CDH18: variants seen among roughly 807,000 people sequenced by gnomAD.
CDH18 encodes the protein cadherin-18.
CDH18 carries 31 observed loss-of-function variants against 67.9 expected under a neutral mutation model. The observed-to-expected ratio is 0.46, with a 90% CI of 0.34 to 0.62. CDH18 has a LOEUF of 0.62. CDH18 is among the 20% of genes least tolerant of loss of function. CDH18 has a pLI of 0.01. For missense variants in CDH18, 890 were observed against 975.5 expected (o/e 0.91, Z 1.17); for synonymous variants, 362 against 347.2 (o/e 1.04, Z -0.48).
chr5:20,142,245 A>G (rs1365352054), intron 2 of CDH18, among the ~76,000 whole-genome samples: 1 of 152,130 alleles, frequency 6.6e-6, no homozygotes, highest in Non-Finnish European at 1.5e-5. Context: ...AAATTTAGTT[A>G]GCTAATTCCA....
chr5:20,437,767 G>A (rs1749282566), intron 1 of CDH18, among the ~76,000 whole-genome samples: 1 of 150,960 alleles, frequency 6.6e-6, no homozygotes. Context: ...CATGCTCCAT[G>A]AAAAAATTAG....
intron 2 of CDH18, among the ~76,000 whole-genome samples, chr5:19,882,022 T>TATG (rs1787716094): frequency 6.6e-6 from 1 of 152,194 alleles, no homozygotes; most frequent in Admixed American, 6.5e-5. Flanking sequence ...TTAGATGATG[T>TATG]CACATACAAA....
chr5:20,046,875 A>C (rs1281621289), intron 2 of CDH18, among the ~76,000 whole-genome samples: 1 of 151,852 alleles, frequency 6.6e-6, no homozygotes, highest in East Asian at 1.9e-4. Context: ...GAAAGTATAC[A>C]GAACAATTAG....
chr5:20,094,903 A>C (rs1341276129), intron 2 of CDH18, among the ~76,000 whole-genome samples: 1 of 152,144 alleles, frequency 6.6e-6, no homozygotes. Flanking sequence ...CTTGGAACCA[A>C]CCAAAATGCC....
At chr5:20,504,233 GC>G (rs141172003) in intron 1 of CDH18, among the ~76,000 whole-genome samples, 14,523 of 152,082 alleles carry the variant, frequency 0.095, 968 homozygotes, top group Non-Finnish European at 0.15. Context: ...GTTTCAAGAA[GC>G]AAAAACTTTA....
chr5:20,107,184 C>T (rs1580258340), intron 2 of CDH18, among the ~76,000 whole-genome samples: 1 of 151,928 alleles, frequency 6.6e-6, no homozygotes, highest in East Asian at 1.9e-4. Flanking sequence ...GGGTTCACGC[C>T]ATTCTCCTGC....
chr5:20,376,091 A>ATTTTTTTTTTTTTTTTTTTTTT (rs562655039), intron 1 of CDH18, among the ~76,000 whole-genome samples: 1,565 of 49,746 alleles, frequency 0.031, 638 homozygotes, highest in Admixed American at 0.05. Context: ...AAAAGAAACA[A>ATTTTTTTTTTTTTTTTTTTTTT]TTTTTTTTTT....
rs571921940 is a variant in CDH18 at position 20,049,452 on chromosome 5, T to C, written c.-517-57438A>G. Among the ~76,000 whole-genome samples the C allele has an allele frequency of 2.9e-4, 41 of 139,700 alleles. 1 individual carries two copies. In the South Asian group the frequency reaches 9.4e-3, roughly 32 times the overall value. The allele number at this position is 139,700 out of a possible 152,430, so 91.6% of individuals were successfully genotyped here. ...AAATAATCTATACAACAAACCCCCA[T>C]GACATGAGTTTACCTATATAACAAA... On this transcript the variant is annotated intron_variant, in intron 2 of 14. Transcript: ENST00000507958.
At chr5:20,567,277 A>G (rs1315854011) in intron 1 of CDH18, among the ~76,000 whole-genome samples, 1 of 152,220 alleles carries the variant, frequency 6.6e-6, no homozygotes, top group African/African-American at 2.4e-5. Context: ...TTTTAGATTC[A>G]AATAAATGCT....
At chr5:19,637,662 C>T (rs996475881) in intron 5 of CDH18, among the ~76,000 whole-genome samples, 5 of 152,160 alleles carry the variant, frequency 3.3e-5, no homozygotes, top group Non-Finnish European at 5.9e-5. Context: ...CTGGGTTCCT[C>T]GTCACCAATC....
intron 1 of CDH18, among the ~76,000 whole-genome samples, chr5:20,302,002 T>C (rs1427435547): frequency 6.6e-6 from 1 of 151,978 alleles, no homozygotes; most frequent in Non-Finnish European, 1.5e-5. Flanking sequence ...TTTTGCTTAC[T>C]AGGAATCCAC....
chr5:20,366,527 C>A (rs1354617281), intron 1 of CDH18, among the ~76,000 whole-genome samples: 2 of 152,208 alleles, frequency 1.3e-5, no homozygotes, highest in African/African-American at 4.8e-5. Context: ...TGACAAGCCA[C>A]CATGGTGGAG....
chr5:19,736,218 C>A (rs1768302784), intron 4 of CDH18, among the ~76,000 whole-genome samples: 1 of 152,200 alleles, frequency 6.6e-6, no homozygotes, highest in South Asian at 2.1e-4. Flanking sequence ...TTGTAAAACC[C>A]TGTCTCTAAT....
chr5:19,776,803 C>T (rs931263336), intron 3 of CDH18, among the ~76,000 whole-genome samples: 1 of 151,932 alleles, frequency 6.6e-6, no homozygotes, highest in Non-Finnish European at 1.5e-5. Context: ...TGTAAATGTT[C>T]CATAAGTTTT....
intron 1 of CDH18, among the ~76,000 whole-genome samples, chr5:20,511,699 T>G (rs1755046266): frequency 6.6e-6 from 1 of 152,180 alleles, no homozygotes; most frequent in Non-Finnish European, 1.5e-5. Context: ...GATAAGGACT[T>G]CAAATACAAC....
intron 2 of CDH18, among the ~76,000 whole-genome samples, chr5:20,054,762 G>C (rs1353886088): frequency 6.6e-6 from 1 of 152,046 alleles, no homozygotes; most frequent in East Asian, 1.9e-4. Flanking sequence ...TAGACCCTTT[G>C]GAAAAATGTA....
At chr5:20,569,695 AACACTTACATAT>A (rs1758702057) in intron 1 of CDH18, among the ~76,000 whole-genome samples, 1 of 152,192 alleles carries the variant, frequency 6.6e-6, no homozygotes, top group Non-Finnish European at 1.5e-5. Flanking sequence ...AAATGAGTTG[AACACTTACATAT>A]ACACAAAAGA....
intron 5 of CDH18, among the ~76,000 whole-genome samples, chr5:19,636,794 T>C (rs1055657730): frequency 1.3e-5 from 2 of 152,102 alleles, no homozygotes; most frequent in Admixed American, 1.3e-4. Context: ...AAAAATGCCT[T>C]TGGATGTTAA....
rs1739827713 is a variant in CDH18 at position 19,483,430 on chromosome 5, T to G, written c.1753A>C (p.Thr585Pro). The G allele has an allele frequency of 6.2e-7, 1 of 1,613,866 alleles. No individual in the cohort carries two copies. The highest frequency in any genetic ancestry group is 1.7e-5 in the Admixed American group (1 of 59,980). The change falls in exon 12 of 13, where the codon ACC becomes CCC. Residue 585 changes from threonine to proline, a missense_variant. Coordinates refer to ENST00000382275, the MANE Select transcript of CDH18 (RefSeq NM_004934.5). ...IPSLSSSSTL[T>P]IRVCACERDG... The stretch of plus-strand genomic sequence containing the variant: ...CTCTCGCATGCACAAACCCTGATGG[T>G]GAGGGTGCTGCTGCTGCTGAGAGAG...
Sources: gnomAD v4.1 joint callset for allele counts (sites outside exome capture counted in the v4.1 genomes callset) on GRCh38, gnomAD v4.1.1 for gene constraint, MANE v1.5 for transcripts, NCBI Gene and HGNC (gene_info 2026-07-23, HGNC 2026-07-21) for gene names.